C9orf85: variants seen among roughly 807,000 people sequenced by gnomAD.
C9orf85 encodes chromosome 9 open reading frame 85, also known as uncharacterized protein C9orf85.
A neutral mutation model predicts 14.9 loss-of-function variants in C9orf85; 16 were observed. That is an observed-to-expected ratio of 1.08 (90% CI 0.73 to 1.63). C9orf85 has a LOEUF of 1.63. Ranked by LOEUF, C9orf85 falls within the 40% of genes most tolerant of loss-of-function variation. The pLI, the probability that C9orf85 is intolerant of heterozygous loss-of-function variation, is 0.00. For synonymous variants in C9orf85, 45 were observed against 56.8 expected, an observed-to-expected ratio of 0.79 and a Z score of 0.93; for missense variants, 172 against 186.1, an observed-to-expected ratio of 0.92 and a Z score of 0.44.
At position 71,943,810 on chromosome 9, in the gene C9orf85, G is replaced by A. The variant is rs572996404; in HGVS notation, c.103-3196G>A. Among the ~76,000 whole-genome samples, 554 of 151,460 alleles carry A rather than the reference G, an allele frequency of 3.7e-3. 3 individuals are homozygous for A. The highest frequency in any genetic ancestry group is 0.012 in the African/African-American group (516 of 41,352). ...CCTGCCTCGGCCTCCCAAAGTGCTG[G>A]GATTACAGGTGTGAGCCACCGCACC... On this transcript the variant is annotated intron_variant, in intron 1 of 3. Coordinates refer to ENST00000334731, the MANE Select transcript of C9orf85 (RefSeq NM_182505.5).
At position 71,918,503 on chromosome 9, in the gene C9orf85, A is replaced by G. The variant is rs771984182; in HGVS notation, c.102+6667A>G. 20 of 1,232,076 alleles carry G rather than the reference A, an allele frequency of 1.6e-5. 2 individuals carry two copies. The highest frequency in any genetic ancestry group is 2.2e-4 in the Middle Eastern group (1 of 4,558). 76.3% of individuals were successfully genotyped at this position (1,232,076 alleles called of 1,614,324 possible). ...GGGGTCCCCAGCCCCCGACCCCCGC[A>G]TCGGTCCATGGCCTGTCAGGAACTG... On this transcript the variant is annotated intron_variant, in intron 1 of 3. Transcript: ENST00000334731.
chr9:71,976,324 A>G (rs1264023832), downstream of C9orf85, among the ~76,000 whole-genome samples: 1 of 152,214 alleles, frequency 6.6e-6, no homozygotes, highest in Admixed American at 6.5e-5. Flanking sequence ...GCTTTATTAT[A>G]GAAGTGCCAA....
intron 1 of C9orf85, among the ~76,000 whole-genome samples, chr9:71,923,426 G>A (rs1827861041): frequency 6.6e-6 from 1 of 152,038 alleles, no homozygotes; most frequent in African/African-American, 2.4e-5. Flanking sequence ...ATGCCACCAC[G>A]CCTGGCTAAT....
intron 2 of C9orf85, among the ~76,000 whole-genome samples, chr9:71,965,615 T>C (rs1341061508): frequency 6.6e-6 from 1 of 152,200 alleles, no homozygotes; most frequent in Non-Finnish European, 1.5e-5. Context: ...TTGTTTTTTG[T>C]ATAGATGGGG....
In C9orf85 at chr9:71,915,466, C is replaced by T. The variant is rs990905149; in HGVS notation, c.102+3630C>T. Reference sequence around the variant, plus strand: ...TGCTGGGATTACAGGTGTGAGCCACCGTACCCAGCTACAAAAATATTTTTA... The same window carrying T: ...TGCTGGGATTACAGGTGTGAGCCACTGTACCCAGCTACAAAAATATTTTTA... On this transcript the variant is annotated intron_variant, in intron 1 of 3. Coordinates refer to ENST00000334731, the MANE Select transcript of C9orf85 (RefSeq NM_182505.5). Among the ~76,000 whole-genome samples, 13 of 151,848 alleles carry T rather than the reference C, an allele frequency of 8.6e-5. No homozygotes were observed. In the South Asian group the frequency reaches 1.7e-3, roughly 19 times the overall value.
At chr9:71,976,582 A>T (rs1823001587), downstream of C9orf85, among the ~76,000 whole-genome samples, 1 of 151,890 alleles carries the variant, frequency 6.6e-6, no homozygotes, top group Admixed American at 6.6e-5. Context: ...GAATGGCATG[A>T]ACCCGGGAGG....
chr9:71,931,374 G>A (rs940824326), intron 1 of C9orf85, among the ~76,000 whole-genome samples: 17 of 151,470 alleles, frequency 1.1e-4, no homozygotes. Context: ...AGAATGTTTA[G>A]TCTGTAACTA....
intron 2 of C9orf85, among the ~76,000 whole-genome samples, chr9:71,950,878 C>A (rs1035733250): frequency 6.6e-6 from 1 of 152,036 alleles, no homozygotes; most frequent in Admixed American, 6.6e-5. Context: ...TAATAATATC[C>A]TGGATATTGG....
rs950938977 is a variant in C9orf85, at chr9:71,968,968, C to T, written c.210-2537C>T. ...ATGGAATAGGTGACTAAAGGTGACT[C>T]AGGTCAGAGTAGGTGACCAGGGGTG... On this transcript the variant is annotated intron_variant, in intron 2 of 3. Coordinates refer to ENST00000334731, the MANE Select transcript of C9orf85 (RefSeq NM_182505.5). Among the ~76,000 whole-genome samples the T allele has an allele frequency of 4.6e-5, 7 of 152,012 alleles. No individual in the cohort carries two copies. In the East Asian group the frequency reaches 1.3e-3, roughly 29 times the overall value.
intron 2 of C9orf85, among the ~76,000 whole-genome samples, chr9:71,953,814 G>A (rs1791195811): frequency 1.3e-5 from 2 of 152,124 alleles, no homozygotes; most frequent in Non-Finnish European, 2.9e-5. Flanking sequence ...AAGTGGGGGA[G>A]GGAGGCAGGC....
chr9:71,942,584 AAAT>A lies in C9orf85; in HGVS notation c.103-4418_103-4416del, dbSNP rs528318451. On this transcript the variant is annotated intron_variant, in intron 1 of 3. Transcript: ENST00000334731. ...GTTCTAGCCATATTTAAAGGAATTT[AAAT>A]AATGTAGTTTATGATTTGAAACTCA... Among the ~76,000 whole-genome samples the A allele has an allele frequency of 8.8e-3, 1,347 of 152,286 alleles. 12 individuals are homozygous for A. Among genetic ancestry groups the A allele is most frequent in the Admixed American group, 0.015 (233 of 15,292 alleles).
intron 1 of C9orf85, among the ~76,000 whole-genome samples, chr9:71,919,335 G>A (rs1015248978): frequency 6.6e-6 from 1 of 152,126 alleles, no homozygotes; most frequent in Non-Finnish European, 1.5e-5. Flanking sequence ...GGGAATAAGT[G>A]TTATTTCTCA....
intron 2 of C9orf85, among the ~76,000 whole-genome samples, chr9:71,963,573 G>C (rs1470764509): frequency 6.6e-6 from 1 of 152,230 alleles, no homozygotes; most frequent in Non-Finnish European, 1.5e-5. Context: ...GGCTGCGCGA[G>C]GCGCTTGCGG....
chr9:71,912,299 A>C (rs1827524398), intron 1 of C9orf85, among the ~76,000 whole-genome samples: 1 of 152,156 alleles, frequency 6.6e-6, no homozygotes, highest in Admixed American at 6.5e-5. Context: ...ATTGTGTGAA[A>C]TTTCTGTTTT....
chr9:71,931,324 G>A (rs544986887), intron 1 of C9orf85, among the ~76,000 whole-genome samples: 23 of 152,192 alleles, frequency 1.5e-4, no homozygotes, highest in African/African-American at 4.8e-4. Context: ...CTGTTTCTGC[G>A]TATGCTAGAC....
chr9:71,922,066 G>A (rs954963221), intron 1 of C9orf85, among the ~76,000 whole-genome samples: 35 of 151,910 alleles, frequency 2.3e-4, no homozygotes, highest in African/African-American at 7.2e-4. Context: ...TCAGCCTCCC[G>A]AGTAGCTAGG....
rs566687572 is a variant in C9orf85 at position 71,920,182 on chromosome 9, A to G, written c.102+8346A>G. ...GTTTCTTAATGTTGAGGCCTGATAT[A>G]ATATAATTTTTTTGTGTGCATTAAT... On this transcript the variant is annotated intron_variant, in intron 1 of 3. Coordinates refer to ENST00000334731, the MANE Select transcript of C9orf85 (RefSeq NM_182505.5). Among the ~76,000 whole-genome samples, 5 of 152,200 alleles carry G rather than the reference A, an allele frequency of 3.3e-5. No individual in the cohort carries two copies. The East Asian group carries it at 9.6e-4, about 29-fold the overall frequency.
downstream of C9orf85, among the ~76,000 whole-genome samples, chr9:71,973,733 C>T (rs571783796): frequency 6.6e-5 from 10 of 152,090 alleles, no homozygotes; most frequent in African/African-American, 2.2e-4. Flanking sequence ...GGCTCTCCCT[C>T]AGCAAAAGTT....
intron 1 of C9orf85, among the ~76,000 whole-genome samples, chr9:71,943,472 T>C (rs995572539): frequency 1.3e-5 from 2 of 152,178 alleles, no homozygotes; most frequent in Admixed American, 6.5e-5. Flanking sequence ...GATACAGATA[T>C]AATATTTACA....
Sources: allele counts gnomAD v4.1 joint callset (sites outside exome capture counted in the v4.1 genomes callset), GRCh38; gene constraint gnomAD v4.1.1; transcripts MANE v1.5; gene names NCBI Gene and HGNC (gene_info 2026-07-23, HGNC 2026-07-21).